Variants in GRM8 observed in about 807,000 individuals in gnomAD.
GRM8 encodes the protein metabotropic glutamate receptor 8.
Under a neutral mutation model 87.2 loss-of-function variants are expected in GRM8, and 47 were observed. The observed-to-expected ratio is 0.54, with a 90% confidence interval of 0.43 to 0.69. The LOEUF (loss-of-function observed/expected upper bound fraction) is 0.69, where lower values mean the gene tolerates loss of function less well. GRM8 is among the 30% of genes least tolerant of loss of function. The pLI, the probability that GRM8 is intolerant of heterozygous loss-of-function variation, is 0.00. For missense variants in GRM8, 1,019 were observed against 1,139.2 expected, an observed-to-expected ratio of 0.89 and a Z score of 1.52; for synonymous variants, 396 against 404.5, an observed-to-expected ratio of 0.98 and a Z score of 0.25.
intron 2 of GRM8, among the ~76,000 whole-genome samples, chr7:127,217,006 A>C (rs990169578): frequency 7.9e-5 from 12 of 152,184 alleles, no homozygotes; most frequent in Non-Finnish European, 1.6e-4. Context: ...TCAGTATCTT[A>C]AATTATCAAG....
chr7:127,072,403 T>C (rs1311744268), intron 3 of GRM8, among the ~76,000 whole-genome samples: 1 of 152,174 alleles, frequency 6.6e-6, no homozygotes, highest in East Asian at 1.9e-4. Context: ...CCATTATCTG[T>C]AGAATAAAAT....
chr7:126,733,166 C>A (rs1813805789), intron 7 of GRM8, among the ~76,000 whole-genome samples: 1 of 151,934 alleles, frequency 6.6e-6, no homozygotes, highest in African/African-American at 2.4e-5. Context: ...TCTTCACTAA[C>A]TCACCTATAA....
intron 6 of GRM8, among the ~76,000 whole-genome samples, chr7:126,786,318 G>C (rs992180451): frequency 6.6e-6 from 1 of 151,954 alleles, no homozygotes; most frequent in African/African-American, 2.4e-5. Flanking sequence ...CCAAATTAAC[G>C]AACTTTTTAA....
chr7:127,183,788 G>A (rs941560594), intron 2 of GRM8, among the ~76,000 whole-genome samples: 1 of 151,744 alleles, frequency 6.6e-6, no homozygotes, highest in African/African-American at 2.4e-5. Context: ...CCTCTAGTTA[G>A]GCTAACCAAG....
At chr7:126,510,848 T>C (rs1811262677) in intron 9 of GRM8, among the ~76,000 whole-genome samples, 1 of 152,116 alleles carries the variant, frequency 6.6e-6, no homozygotes, top group Admixed American at 6.6e-5. Flanking sequence ...TTGGCACATA[T>C]TTGTGAAATA....
At chr7:126,966,180 G>T (rs1809840938) in intron 3 of GRM8, among the ~76,000 whole-genome samples, 1 of 152,092 alleles carries the variant, frequency 6.6e-6, no homozygotes. Flanking sequence ...TATCTCCCAG[G>T]CTGGAATGCA....
chr7:126,778,947 G>T (rs1585897177), intron 6 of GRM8, among the ~76,000 whole-genome samples: 1 of 152,190 alleles, frequency 6.6e-6, no homozygotes, highest in East Asian at 1.9e-4. Context: ...CCAGCTTAAT[G>T]ACCATTTGTA....
intron 9 of GRM8, among the ~76,000 whole-genome samples, chr7:126,479,803 A>C (rs188298032): frequency 6.6e-5 from 10 of 152,204 alleles, no homozygotes; most frequent in African/African-American, 2.4e-4. Flanking sequence ...GTTATATAGA[A>C]ACTATACTTA....
At chr7:127,103,081 T>A (rs1470796872) in intron 3 of GRM8, among the ~76,000 whole-genome samples, 1 of 152,188 alleles carries the variant, frequency 6.6e-6, no homozygotes, top group Admixed American at 6.5e-5. Flanking sequence ...CAGGCTGGTC[T>A]CAAACTCCAC....
intron 2 of GRM8, among the ~76,000 whole-genome samples, chr7:127,186,006 T>C (rs1794716338): frequency 6.6e-6 from 1 of 152,202 alleles, no homozygotes; most frequent in Admixed American, 6.5e-5. Context: ...TTTATGTATG[T>C]ATTTGTACTA....
At chr7:126,458,249 C>T (rs1803484426) in intron 9 of GRM8, among the ~76,000 whole-genome samples, 2 of 151,030 alleles carry the variant, frequency 1.3e-5, no homozygotes, top group East Asian at 2.0e-4. Flanking sequence ...ACTAAATTCC[C>T]TATTTAAATA....
At chr7:127,075,085 G>T (rs1031177058) in intron 3 of GRM8, among the ~76,000 whole-genome samples, 1 of 152,158 alleles carries the variant, frequency 6.6e-6, no homozygotes, top group Non-Finnish European at 1.5e-5. Flanking sequence ...TACTCATTTT[G>T]TATAAAGGCT....
intron 8 of GRM8, among the ~76,000 whole-genome samples, chr7:126,583,281 G>A (rs909183319): frequency 2.6e-5 from 4 of 152,168 alleles, no homozygotes; most frequent in African/African-American, 4.8e-5. Context: ...GCTTGAACCC[G>A]GGAAAGGAGG....
intron 9 of GRM8, among the ~76,000 whole-genome samples, chr7:126,478,467 T>C (rs1027851435): frequency 6.6e-6 from 1 of 152,104 alleles, no homozygotes; most frequent in Admixed American, 6.6e-5. Flanking sequence ...TGTTTATCTA[T>C]GATTATTTTT....
chr7:126,559,006 C>T (rs773604529), intron 8 of GRM8, among the ~76,000 whole-genome samples: 1 of 151,992 alleles, frequency 6.6e-6, no homozygotes, highest in Non-Finnish European at 1.5e-5. Context: ...TGCAAAGCAC[C>T]CTCACATGTG....
chr7:127,190,543 TAA>T (rs35809104), intron 2 of GRM8, among the ~76,000 whole-genome samples: 15 of 138,642 alleles, frequency 1.1e-4, no homozygotes, highest in Admixed American at 1.4e-4. Flanking sequence ...GACTCGGTCT[TAA>T]AAAAAAAAAA....
chr7:126,517,033 T>A (rs1812274960), intron 9 of GRM8, among the ~76,000 whole-genome samples: 1 of 152,076 alleles, frequency 6.6e-6, no homozygotes, highest in Non-Finnish European at 1.5e-5. Context: ...ATAAAAATAA[T>A]TTTACTTTAA....
At chr7:126,619,769 C>A (rs1036758072) in intron 7 of GRM8, among the ~76,000 whole-genome samples, 2 of 152,068 alleles carry the variant, frequency 1.3e-5, no homozygotes, top group African/African-American at 4.8e-5. Flanking sequence ...TGGCTCACTG[C>A]AACATCTGCC....
intron 7 of GRM8, among the ~76,000 whole-genome samples, chr7:126,698,588 T>A (rs1361991): frequency 0.12 from 18,179 of 152,144 alleles, 1,482 homozygotes; most frequent in Non-Finnish European, 0.15. Context: ...CTCACACTTC[T>A]GTGCCTGTTA....
Sources: gnomAD v4.1 joint callset for allele counts (sites outside exome capture counted in the v4.1 genomes callset) on GRCh38, gnomAD v4.1.1 for gene constraint, MANE v1.5 for transcripts, NCBI Gene and HGNC (gene_info 2026-07-23, HGNC 2026-07-21) for gene names.